Variants in MED24 observed in about 807,000 individuals in gnomAD.
MED24 encodes mediator of RNA polymerase II transcription subunit 24.
In MED24, 74 loss-of-function variants were observed where a neutral mutation model predicts 118.8. The ratio of observed to expected loss-of-function variants is 0.62; its 90% CI spans 0.52 to 0.76. The LOEUF (loss-of-function observed/expected upper bound fraction) is 0.76, where lower values mean the gene tolerates loss of function less well. Among genes scored for constraint, MED24 ranks in the 30% least tolerant of loss-of-function variants. The probability of loss-of-function intolerance (pLI) is 0.00; values close to 1 mark genes in which losing one functional copy is unlikely to be tolerated. For missense variants in MED24, 1,041 were observed against 1,278.9 expected, an observed-to-expected ratio of 0.81 and a Z score of 2.84; for synonymous variants, 521 against 523.9, an observed-to-expected ratio of 0.99 and a Z score of 0.08.
chr17:40,044,433 T>C (rs1404934512), intron 3 of MED24, among the ~76,000 whole-genome samples: 2 of 151,646 alleles, frequency 1.3e-5, no homozygotes, highest in Admixed American at 6.6e-5. Context: ...GGCAGGAGAA[T>C]TGCTTGAACC....
At chr17:40,035,013 C>T in intron 6 of MED24, 104 bp downstream of exon 6, 1 of 1,612,722 alleles carries the variant, frequency 6.2e-7, no homozygotes, top group Non-Finnish European at 8.5e-7. Context: ...GGTTTCAGAT[C>T]CTCCTGGAAA....
Position 40,023,378 on chromosome 17 carries a change from G to A in MED24, c.2003C>T (p.Ser668Leu), listed in dbSNP as rs1982268270. 7 of 1,597,722 alleles carry A rather than the reference G, an allele frequency of 4.4e-6. No individual in the cohort carries two copies. The highest frequency in any genetic ancestry group is 1.7e-5 in the Admixed American group (1 of 59,176). The change falls in exon 20 of 26, where the codon TCG becomes TTG. Residue 668 changes from serine to leucine, a missense_variant. Physicochemically the swap from Ser to Leu is moderately radical, Grantham distance 145. This residue lies in a region of MED24 where 587 missense variants were observed against 694.4 expected (regional missense o/e 0.85). Coordinates refer to ENST00000394128, the MANE Select transcript of MED24 (RefSeq NM_014815.4). ...FYNERVVIMN[S>L]ILERMCADVL... ...GTCGGCACACATGCGCTCCAGGATC[G>A]AGTTCATGATCACCACCCTGGGGGA...
intron 16 of MED24, 61 bp from the exon 17 acceptor site, chr17:40,027,095 G>T (rs1982752204): frequency 1.9e-6 from 3 of 1,574,996 alleles, no homozygotes; most frequent in Admixed American, 3.6e-5. Context: ...GCCAGCGCTG[G>T]ACCTGGGGCT....
intron 19 of MED24, among the ~76,000 whole-genome samples, chr17:40,023,841 C>A (rs1982335275): frequency 6.6e-6 from 1 of 152,224 alleles, no homozygotes; most frequent in Non-Finnish European, 1.5e-5. Context: ...GGCTGCCCCA[C>A]AGGACTCTTC....
At chr17:40,025,551 T>C (rs1982544600) in intron 19 of MED24, among the ~76,000 whole-genome samples, 1 of 152,200 alleles carries the variant, frequency 6.6e-6, no homozygotes, top group African/African-American at 2.4e-5. Context: ...AATAGGAAGC[T>C]GTTGTTCAGT....
chr17:40,026,176 G>A lies in MED24; in HGVS notation c.1965C>T (p.Thr655=), dbSNP rs1403871158. ...QLAGPLFSEN[T]LQFYNERVVI... is the part of the protein sequence containing the mutation. Reference sequence around the variant, plus strand: ...CCGACCTCTCATTGTAGAACTGCAGGGTGTTCTCACTAAACAGTGGCCCTG... The same window carrying A: ...CCGACCTCTCATTGTAGAACTGCAGAGTGTTCTCACTAAACAGTGGCCCTG... The change falls in exon 19 of 26, where the codon ACC becomes ACT. Residue 655 remains threonine, a synonymous_variant. Transcript: ENST00000394128. 1 of 1,613,922 alleles carries A rather than the reference G, an allele frequency of 6.2e-7. No individual in the cohort carries two copies. The highest frequency in any genetic ancestry group is 1.7e-5 in the Admixed American group (1 of 59,994).
rs1163887590 is a variant in MED24 at position 40,032,226 on chromosome 17, T to C, written c.937-136A>G. The C allele has an allele frequency of 3.9e-6, 4 of 1,030,588 alleles. No individual in the cohort carries two copies. In the African/African-American group the frequency reaches 4.9e-5, roughly 13 times the overall value. 63.8% of individuals were successfully genotyped at this position (1,030,588 alleles called of 1,614,324 possible). ...CCTACCCTGGGAGTGAGAGCACACT[T>C]AGTGCTAAATGAGAAAGCCAATAGG... On this transcript the variant is annotated intron_variant, in intron 9 of 25. Coordinates refer to ENST00000394128, the MANE Select transcript of MED24 (RefSeq NM_014815.4).
chr17:40,029,151 G>A (rs1241455343), intron 13 of MED24, 183 bp from the exon 14 acceptor site: 8 of 782,154 alleles, frequency 1.0e-5, no homozygotes, highest in Non-Finnish European at 1.6e-5. Flanking sequence ...ATCTACACTG[G>A]CATGCAGGTG....
chr17:40,043,232 G>A (rs901144275), intron 3 of MED24, among the ~76,000 whole-genome samples: 3 of 151,992 alleles, frequency 2.0e-5, no homozygotes, highest in Admixed American at 6.6e-5. Flanking sequence ...CACCACACCC[G>A]GCCTGTTGTT....
chr17:40,030,205 G>A (rs1487456520), intron 12 of MED24, among the ~76,000 whole-genome samples: 2 of 152,056 alleles, frequency 1.3e-5, no homozygotes, highest in African/African-American at 4.8e-5. Flanking sequence ...TGTTCTACTG[G>A]TCTCAAACTC....
At chr17:40,027,218 G>T in intron 16 of MED24, 165 bp downstream of exon 16, 1 of 1,081,012 alleles carries the variant, frequency 9.3e-7, no homozygotes, top group Non-Finnish European at 1.3e-6. Context: ...TGTGAACATA[G>T]GGCTGAAGGT....
chr17:40,047,505 C>CA (rs966752346), intron 3 of MED24, among the ~76,000 whole-genome samples: 6 of 150,466 alleles, frequency 4.0e-5, no homozygotes, highest in African/African-American at 1.5e-4. Flanking sequence ...ACTAAAAATA[C>CA]AAAAAAACTG....
At chr17:40,023,054 G>A (rs1474473659) in intron 20 of MED24, 77 bp downstream of exon 20, 35 of 1,537,786 alleles carry the variant, frequency 2.3e-5, no homozygotes, top group Non-Finnish European at 3.0e-5. Context: ...TCTCAGGGAA[G>A]CCTGGCAGAC....
rs1257934244 is a variant in MED24 at position 40,019,487 on chromosome 17, C to A, written c.*42G>T. ...CTGCTTCCCTTGGAGGCGCCTGGGGCTGCGCCAGTCCCCAGCCCCCACTGC... is the reference window on the plus strand; with the variant it reads ...CTGCTTCCCTTGGAGGCGCCTGGGGATGCGCCAGTCCCCAGCCCCCACTGC... On this transcript the variant is annotated 3_prime_UTR_variant, in exon 26 of 26. Transcript: ENST00000394128. 1 of 1,546,942 alleles carries A rather than the reference C, an allele frequency of 6.5e-7. No individual in the cohort carries two copies. The highest frequency in any genetic ancestry group is 2.3e-5 in the East Asian group (1 of 44,444).
intron 19 of MED24, among the ~76,000 whole-genome samples, chr17:40,024,517 G>C (rs1195740183): frequency 6.6e-6 from 1 of 152,164 alleles, no homozygotes; most frequent in Non-Finnish European, 1.5e-5. Flanking sequence ...CTGGGTGACA[G>C]AGCGAAACGC....
intron 3 of MED24, among the ~76,000 whole-genome samples, chr17:40,047,669 A>C (rs1020016011): frequency 1.3e-5 from 2 of 150,258 alleles, no homozygotes; most frequent in Non-Finnish European, 2.9e-5. Context: ...CTCATAAAAA[A>C]AAACAAAAAA....
chr17:40,046,671 G>A (rs1009982627), intron 3 of MED24, among the ~76,000 whole-genome samples: 9 of 150,862 alleles, frequency 6.0e-5, no homozygotes, highest in Non-Finnish European at 1.0e-4. Context: ...GCGTGAACCC[G>A]GGAGGCGGAG....
chr17:40,042,873 TCAAA>T (rs1347623001), intron 3 of MED24, among the ~76,000 whole-genome samples: 8 of 152,316 alleles, frequency 5.3e-5, no homozygotes, highest in South Asian at 4.1e-4. Context: ...TCTAAATGGA[TCAAA>T]CAAAGTAAAT....
In MED24 at chr17:40,035,479, G is replaced by T. The variant is rs563059022; in HGVS notation, c.327-130C>A. The stretch of plus-strand genomic sequence containing the variant: ...GCTGAGAAGCTAGCAAAGTCCTGGG[G>T]AAGATGCTTAGCCCCTTTGGCTCCT... On this transcript the variant is annotated intron_variant, in intron 5 of 25. Transcript: ENST00000394128. 19 of 1,089,778 alleles carry T rather than the reference G, an allele frequency of 1.7e-5. No homozygotes were observed. The South Asian group carries it at 2.2e-4, about 12-fold the overall frequency. The allele number at this position is 1,089,778 out of a possible 1,614,324, so 67.5% of individuals were successfully genotyped here.
Sources: gnomAD v4.1 joint callset for allele counts (sites outside exome capture counted in the v4.1 genomes callset) on GRCh38, gnomAD v4.1.1 for gene constraint, gnomAD v4.1.1 regional missense constraint, MANE v1.5 for transcripts, NCBI Gene and HGNC (gene_info 2026-07-23, HGNC 2026-07-21) for gene names.